Variants in SPA17 observed in about 807,000 individuals in gnomAD.
SPA17 encodes sperm surface protein Sp17.
SPA17 carries 7 observed loss-of-function variants against 13.8 expected under a neutral mutation model. The ratio of observed to expected loss-of-function variants is 0.51; its 90% CI spans 0.29 to 0.95. The LOEUF (loss-of-function observed/expected upper bound fraction) is 0.95. SPA17 is among the 40% of genes least tolerant of loss of function. The pLI, the probability that SPA17 is intolerant of heterozygous loss-of-function variation, is 0.08. For synonymous variants in SPA17, 61 were observed against 59.0 expected (o/e 1.03, Z -0.16); for missense variants, 170 against 179.3 (o/e 0.95, Z 0.30).
At chr11:124,679,613 A>G (rs760713571) in intron 2 of SPA17, among the ~76,000 whole-genome samples, 3 of 152,244 alleles carry the variant, frequency 2.0e-5, no homozygotes, top group Non-Finnish European at 4.4e-5. Context: ...TCTCAAAACA[A>G]TGACCAACCC....
At position 124,696,904 on chromosome 11, in the gene SPA17, G is replaced by GC. The variant is rs767853558; in HGVS notation, c.*2463dup. 9 of 151,920 alleles carry GC rather than the reference G, an allele frequency of 5.9e-5. No individual in the cohort carries two copies. The highest frequency in any genetic ancestry group is 1.2e-4 in the Non-Finnish European group (8 of 68,004). 9.4% of individuals were successfully genotyped at this position (151,920 alleles called of 1,614,324 possible). ...CATATAAAAAATGAATCCTGATATT[G>GC]CCCCCAAATCTGAAACTTCCCCCAC... On this transcript the variant is annotated 3_prime_UTR_variant, in exon 5 of 5. Transcript: ENST00000227135.
rs1398920263 is a variant in SPA17, at chr11:124,696,308, G to T, written c.*1862G>T. Reference sequence around the variant, plus strand: ...CATCCTGCTTAGCGGATTGTCAAGGGGGGACCCAGAATTTATGCAAAGACT... The same window carrying T: ...CATCCTGCTTAGCGGATTGTCAAGGTGGGACCCAGAATTTATGCAAAGACT... On this transcript the variant is annotated 3_prime_UTR_variant, in exon 5 of 5. Transcript: ENST00000227135. 6.6e-6 allele frequency: 1 copy of T among 152,094 alleles called. No individual in the cohort carries two copies. Among genetic ancestry groups the T allele is most frequent in the Non-Finnish European group, 1.5e-5 (1 of 68,050 alleles). The allele number at this position is 152,094 out of a possible 1,614,324, so 9.4% of individuals were successfully genotyped here.
At chr11:124,687,363 A>C (rs1169778145) in intron 3 of SPA17, among the ~76,000 whole-genome samples, 1 of 152,136 alleles carries the variant, frequency 6.6e-6, no homozygotes, top group Non-Finnish European at 1.5e-5. Flanking sequence ...AATTCTACCC[A>C]GTTCTACATA....
At position 124,697,386 on chromosome 11, in the gene SPA17, A is replaced by C; in HGVS notation, c.*2940A>C. ...TGTGGGCCCAAGGGTCAGCTGCAGC[A>C]CAGTGCCTCTGCTTCACGTGTCCTT... On this transcript the variant is annotated 3_prime_UTR_variant, in exon 5 of 5. Transcript: ENST00000227135. 6.6e-6 allele frequency: 1 copy of C among 152,350 alleles called. No homozygotes were observed. Among genetic ancestry groups the C allele is most frequent in the East Asian group, 1.9e-4 (1 of 5,200 alleles). The allele number at this position is 152,350 out of a possible 1,614,324, so 9.4% of individuals were successfully genotyped here.
chr11:124,679,063 G>A (rs1398739204), intron 2 of SPA17, among the ~76,000 whole-genome samples: 2 of 151,720 alleles, frequency 1.3e-5, no homozygotes, highest in Non-Finnish European at 2.9e-5. Context: ...CTTGAACCCA[G>A]GAGGCGGAAG....
chr11:124,677,571 G>A (rs915511467), intron 2 of SPA17, among the ~76,000 whole-genome samples: 2 of 152,098 alleles, frequency 1.3e-5, no homozygotes, highest in Admixed American at 1.3e-4. Context: ...TATAAGAGAA[G>A]AAAAAATTTT....
At chr11:124,674,519 A>G (rs917524038) in intron 1 of SPA17, 1 of 152,292 alleles carries the variant, frequency 6.6e-6, no homozygotes, top group African/African-American at 2.4e-5. Flanking sequence ...TTTCATACTC[A>G]GTAGTAGCTC....
intron 3 of SPA17, among the ~76,000 whole-genome samples, chr11:124,690,612 A>G (rs1176581984): frequency 2.0e-5 from 3 of 152,198 alleles, no homozygotes; most frequent in African/African-American, 7.2e-5. Context: ...ATAAATTTGT[A>G]CAAATATAAA....
chr11:124,681,380 AT>A lies in SPA17; in HGVS notation c.155-7del. 6.4e-7 allele frequency: 1 copy of A among 1,567,840 alleles called. No individual in the cohort carries two copies. The highest frequency in any genetic ancestry group is 2.3e-5 in the East Asian group (1 of 43,152). On this transcript the variant is annotated splice_polypyrimidine_tract_variant and splice_region_variant and intron_variant, in intron 2 of 4. Transcript: ENST00000227135. ...ATAAATCTGAAGTTCTTATATTTTT[AT>A]TATTTAGAAACCAACTTTGATCCAG...
chr11:124,696,317 G>A lies in SPA17; in HGVS notation c.*1871G>A, dbSNP rs1943670804. Reference sequence around the variant, plus strand: ...TAGCGGATTGTCAAGGGGGGACCCAGAATTTATGCAAAGACTTAGATTCCC... The same window carrying A: ...TAGCGGATTGTCAAGGGGGGACCCAAAATTTATGCAAAGACTTAGATTCCC... On this transcript the variant is annotated 3_prime_UTR_variant, in exon 5 of 5. Transcript: ENST00000227135. 1 of 151,498 alleles carries A rather than the reference G, an allele frequency of 6.6e-6. No homozygotes were observed. Among genetic ancestry groups the A allele is most frequent in the Admixed American group, 6.6e-5 (1 of 15,210 alleles). 9.4% of individuals were successfully genotyped at this position (151,498 alleles called of 1,614,324 possible).
At chr11:124,689,504 G>A (rs1378500667) in intron 3 of SPA17, among the ~76,000 whole-genome samples, 3 of 152,116 alleles carry the variant, frequency 2.0e-5, no homozygotes, top group Non-Finnish European at 4.4e-5. Context: ...AGTGGGCAAA[G>A]GGCTGGGCGT....
chr11:124,675,135 A>C, intron 1 of SPA17, 103 bp from the exon 2 acceptor site: 1 of 1,191,242 alleles, frequency 8.4e-7, no homozygotes, highest in East Asian at 2.4e-5. Context: ...AAAAGAATTC[A>C]AGTCCAGATG....
chr11:124,694,864 T>C lies in SPA17; in HGVS notation c.*418T>C, dbSNP rs1453934894. On this transcript the variant is annotated 3_prime_UTR_variant, in exon 5 of 5. Transcript: ENST00000227135. ...TGCTTTTTAAGGATAGTCTATTTAATTTTGGAATTTTTAGAAAGATAAGCT... is the reference window on the plus strand; with the variant it reads ...TGCTTTTTAAGGATAGTCTATTTAACTTTGGAATTTTTAGAAAGATAAGCT... 6.5e-6 allele frequency: 1 copy of C among 153,032 alleles called. No individual in the cohort carries two copies. Among genetic ancestry groups the C allele is most frequent in the African/African-American group, 2.4e-5 (1 of 41,456 alleles). 9.5% of individuals were successfully genotyped at this position (153,032 alleles called of 1,614,324 possible). A position where few individuals can be genotyped will look rare whatever the true frequency, so the allele number is the denominator to read the frequency against.
In SPA17 at chr11:124,696,164, C is replaced by T. The variant is rs1302801983; in HGVS notation, c.*1718C>T. The T allele has an allele frequency of 1.3e-5, 2 of 152,266 alleles. No individual in the cohort carries two copies. The highest frequency in any genetic ancestry group is 2.9e-5 in the Non-Finnish European group (2 of 68,104). The allele number at this position is 152,266 out of a possible 1,614,324, so 9.4% of individuals were successfully genotyped here. On this transcript the variant is annotated 3_prime_UTR_variant, in exon 5 of 5. Coordinates refer to ENST00000227135, the MANE Select transcript of SPA17 (RefSeq NM_017425.4). ...TATCCCCCTTCCTCTCCTCCTTAAC[C>T]CCTCTCCTCCAGGCTTACAGAGGAA... is the stretch of plus-strand genomic sequence containing the variant.
chr11:124,687,059 A>C (rs1197395014), intron 3 of SPA17, among the ~76,000 whole-genome samples: 6 of 152,282 alleles, frequency 3.9e-5, no homozygotes, highest in Admixed American at 6.5e-5. Flanking sequence ...AACCAAGAAG[A>C]GAGAAGACCC....
chr11:124,692,626 A>G (rs1159365153), intron 4 of SPA17, among the ~76,000 whole-genome samples: 2 of 152,138 alleles, frequency 1.3e-5, no homozygotes, highest in African/African-American at 4.8e-5. Flanking sequence ...TCAAAGGCCC[A>G]TTGTTCAGTA....
At chr11:124,687,033 A>G (rs570035932) in intron 3 of SPA17, among the ~76,000 whole-genome samples, 28 of 152,248 alleles carry the variant, frequency 1.8e-4, no homozygotes, top group Non-Finnish European at 3.7e-4. Context: ...AAAATTGACA[A>G]ATGGCTAGCT....
chr11:124,685,999 A>T (rs1360492121), intron 3 of SPA17, among the ~76,000 whole-genome samples: 1 of 152,196 alleles, frequency 6.6e-6, no homozygotes, highest in East Asian at 1.9e-4. Flanking sequence ...TGCTGGAATG[A>T]GTTAAGACTT....
In SPA17 at chr11:124,694,552, A is replaced by G. The variant is rs1943655380; in HGVS notation, c.*106A>G. 5 of 1,416,526 alleles carry G rather than the reference A, an allele frequency of 3.5e-6. No homozygotes were observed. Among genetic ancestry groups the G allele is most frequent in the Non-Finnish European group, 4.8e-6 (5 of 1,046,850 alleles). The allele number at this position is 1,416,526 out of a possible 1,614,324, so 87.7% of individuals were successfully genotyped here. Reference sequence around the variant, plus strand: ...GAAGGAAGATTTGATGTTGTGAAATAACATTCGTTACTGTTGTGAAAATCT... The same window carrying G: ...GAAGGAAGATTTGATGTTGTGAAATGACATTCGTTACTGTTGTGAAAATCT... On this transcript the variant is annotated 3_prime_UTR_variant, in exon 5 of 5. Coordinates refer to ENST00000227135, the MANE Select transcript of SPA17 (RefSeq NM_017425.4).
Sources: allele counts gnomAD v4.1 joint callset (sites outside exome capture counted in the v4.1 genomes callset), GRCh38; gene constraint gnomAD v4.1.1; transcripts MANE v1.5; gene names NCBI Gene and HGNC (gene_info 2026-07-23, HGNC 2026-07-21).